Variants in GCN1 observed in about 807,000 individuals in gnomAD.
GCN1 encodes GCN1 activator of EIF2AK4.
GCN1 carries 90 observed loss-of-function variants against 288.4 expected under a neutral mutation model. The observed-to-expected ratio is 0.31, with a 90% CI of 0.26 to 0.37. GCN1 has a LOEUF of 0.37. Ranked by LOEUF, GCN1 falls within the 10% of genes least tolerant of loss-of-function variation. GCN1 has a pLI of 1.00. For synonymous variants in GCN1, 1,386 were observed against 1,420.2 expected, an observed-to-expected ratio of 0.98 and a Z score of 0.54; for missense variants, 2,586 against 3,419.9, an observed-to-expected ratio of 0.76 and a Z score of 6.08.
intron 2 of GCN1, among the ~76,000 whole-genome samples, chr12:120,188,335 G>A (rs1414227477): frequency 6.6e-6 from 1 of 151,744 alleles, no homozygotes; most frequent in Non-Finnish European, 1.5e-5. Context: ...TTGGGAGGCT[G>A]AGGCAGGAGA....
Position 120,131,352 on chromosome 12 carries a change from C to T in GCN1, c.7415-19G>A, listed in dbSNP as rs760897417. ...ACGTCCGCTGGGTGGAAGGACACGA[C>T]TGGGATCAACCGGTATTTTACAGCA... On this transcript the variant is annotated intron_variant, in intron 54 of 57. Coordinates refer to ENST00000300648, the MANE Select transcript of GCN1 (RefSeq NM_006836.2). 11 of 1,612,470 alleles carry T rather than the reference C, an allele frequency of 6.8e-6. No homozygotes were observed. The highest frequency in any genetic ancestry group is 8.5e-7 in the Non-Finnish European group (1 of 1,179,584).
At chr12:120,174,026 A>C in intron 13 of GCN1, 45 bp downstream of exon 13, 4 of 1,239,382 alleles carry the variant, frequency 3.2e-6, no homozygotes, top group Non-Finnish European at 4.8e-6. Flanking sequence ...AACCACGGTC[A>C]AGGATGAGTA....
rs1175665452 is a variant in GCN1, at chr12:120,163,341, G to A, written c.1849-82C>T. 2.6e-6 allele frequency: 3 copies of A among 1,132,886 alleles called. No individual in the cohort carries two copies. The Admixed American group carries it at 5.6e-5, about 21-fold the overall frequency. 70.2% of individuals were successfully genotyped at this position (1,132,886 alleles called of 1,614,324 possible). ...AGGAACCAAATATGCTACGGACACAGCGGCCCCTCACTCAGTTCTTCCCTG... is the reference window on the plus strand; with the variant it reads ...AGGAACCAAATATGCTACGGACACAACGGCCCCTCACTCAGTTCTTCCCTG... On this transcript the variant is annotated intron_variant, in intron 18 of 57. Coordinates refer to ENST00000300648, the MANE Select transcript of GCN1 (RefSeq NM_006836.2).
Position 120,153,659 on chromosome 12 carries a change from C to A in GCN1, c.3867+85G>T. On this transcript the variant is annotated intron_variant, in intron 32 of 57. Coordinates refer to ENST00000300648, the MANE Select transcript of GCN1 (RefSeq NM_006836.2). The surrounding 1 kb of genome is among the most constrained non-coding windows in gnomAD (Gnocchi z 4.4). Reference sequence around the variant, plus strand: ...CTCAGCATTTCTGGCCCCTGCTCAGCCCTAGCGCCTGCCTCCCGTGTCTCC... The same window carrying A: ...CTCAGCATTTCTGGCCCCTGCTCAGACCTAGCGCCTGCCTCCCGTGTCTCC... 7.5e-7 allele frequency: 1 copy of A among 1,341,770 alleles called. No homozygotes were observed. Among genetic ancestry groups the A allele is most frequent in the South Asian group, 1.3e-5 (1 of 77,206 alleles). The allele number at this position is 1,341,770 out of a possible 1,614,324, so 83.1% of individuals were successfully genotyped here.
At chr12:120,180,585 C>G (rs1195666308) in intron 5 of GCN1, among the ~76,000 whole-genome samples, 1 of 151,568 alleles carries the variant, frequency 6.6e-6, no homozygotes, top group African/African-American at 2.4e-5. Flanking sequence ...AGCCTGGTGA[C>G]AGAGAAAGAC....
chr12:120,189,303 C>A (rs1878926810), intron 2 of GCN1, among the ~76,000 whole-genome samples: 1 of 151,646 alleles, frequency 6.6e-6, no homozygotes, highest in Non-Finnish European at 1.5e-5. Flanking sequence ...GAACTCCTGA[C>A]CTCGTGATCC....
At chr12:120,146,802 C>T (rs1877377595) in intron 38 of GCN1, among the ~76,000 whole-genome samples, 1 of 152,206 alleles carries the variant, frequency 6.6e-6, no homozygotes, top group South Asian at 2.1e-4. Context: ...CACTTCAACA[C>T]TCTTGAGAGG....
intron 34 of GCN1, among the ~76,000 whole-genome samples, chr12:120,150,753 C>G (rs112385688): frequency 3.6e-4 from 54 of 151,566 alleles, no homozygotes; most frequent in Middle Eastern, 3.4e-3. Flanking sequence ...CTGGCTAACA[C>G]GGTGAAACCC....
At chr12:120,166,230 C>T (rs1052517317) in intron 16 of GCN1, among the ~76,000 whole-genome samples, 11 of 151,276 alleles carry the variant, frequency 7.3e-5, no homozygotes, top group Admixed American at 2.0e-4. Context: ...TAGTAAAACC[C>T]CGTCTGTACT....
intron 5 of GCN1, among the ~76,000 whole-genome samples, chr12:120,180,612 A>C (rs1444313710): frequency 6.6e-6 from 1 of 152,020 alleles, no homozygotes; most frequent in Non-Finnish European, 1.5e-5. Context: ...TCAAAAAAAA[A>C]CAAACAAAAA....
intron 2 of GCN1, among the ~76,000 whole-genome samples, chr12:120,188,111 G>A (rs911861252): frequency 6.6e-6 from 1 of 152,220 alleles, no homozygotes; most frequent in Non-Finnish European, 1.5e-5. Context: ...AAAACACCTT[G>A]TTGCGAATAT....
At chr12:120,143,063 G>T (rs956662914) in intron 42 of GCN1, 122 bp from the exon 43 acceptor site, 1 of 611,626 alleles carries the variant, frequency 1.6e-6, no homozygotes, top group Non-Finnish European at 3.0e-6. Context: ...TCTTGGAATG[G>T]GAAGAGTCAG....
Position 120,141,162 on chromosome 12 carries a change from C to T in GCN1, c.5830-139G>A, listed in dbSNP as rs1320535070. The stretch of plus-strand genomic sequence containing the variant: ...TTAACTTCCCCAAATGCTCTTACCC[C>T]TAAAGAGCCCCCAAATACTCTCTGT... On this transcript the variant is annotated intron_variant, in intron 44 of 57. Transcript: ENST00000300648. 2.7e-5 allele frequency: 19 copies of T among 704,820 alleles called. No individual in the cohort carries two copies. The East Asian group carries it at 4.8e-4, about 18-fold the overall frequency. 43.7% of individuals were successfully genotyped at this position (704,820 alleles called of 1,614,324 possible). A position where few individuals can be genotyped will look rare whatever the true frequency, so the allele number is the denominator to read the frequency against.
intron 33 of GCN1, 76 bp from the exon 34 acceptor site, chr12:120,151,467 T>C (rs938005691): frequency 1.4e-6 from 2 of 1,463,470 alleles, no homozygotes; most frequent in Admixed American, 3.6e-5. Context: ...CTGACCATTC[T>C]ACACAGCACC....
chr12:120,164,701 G>C lies in GCN1; in HGVS notation c.1633C>G (p.Leu545Val). 6.2e-7 allele frequency: 1 copy of C among 1,612,870 alleles called. No individual in the cohort carries two copies. Among genetic ancestry groups the C allele is most frequent in the Non-Finnish European group, 8.5e-7 (1 of 1,178,838 alleles). ...SEDALCTVLH[L>V]TERLFLDHPH... is the part of the protein sequence containing the mutation. ...TGGTCAAGGAAAAGTCTCTCTGTCAGATGCAACACAGTACACAGGGCTTGG... is the reference window on the plus strand; with the variant it reads ...TGGTCAAGGAAAAGTCTCTCTGTCACATGCAACACAGTACACAGGGCTTGG... The change falls in exon 17 of 58, where the codon CTG becomes GTG. Residue 545 changes from leucine (L) to valine (V), a missense_variant. This residue lies in a region of GCN1 where 913 missense variants were observed against 1,107.0 expected (regional missense o/e 0.82). Transcript: ENST00000300648.
At chr12:120,136,356 C>G (rs1204997114) in intron 51 of GCN1, 146 bp downstream of exon 51, 1 of 637,690 alleles carries the variant, frequency 1.6e-6, no homozygotes, top group Non-Finnish European at 2.8e-6. Flanking sequence ...CATGGTGTAG[C>G]ATGTCTGAAG....
chr12:120,154,845 C>T (rs1594271585), intron 31 of GCN1, 125 bp downstream of exon 31: 1 of 1,239,762 alleles, frequency 8.1e-7, no homozygotes, highest in East Asian at 2.3e-5. Context: ...GAACTCAGGC[C>T]TCCCCGACTC....
intron 5 of GCN1, 125 bp downstream of exon 5, chr12:120,183,444 G>A (rs1305802236): frequency 2.4e-5 from 17 of 700,306 alleles, no homozygotes; most frequent in Non-Finnish European, 3.7e-5. Flanking sequence ...CACACCTCGG[G>A]ACAACTCAGA....
chr12:120,147,399 A>T, intron 37 of GCN1, 127 bp from the exon 38 acceptor site: 1 of 461,052 alleles, frequency 2.2e-6, no homozygotes, highest in Non-Finnish European at 3.8e-6. Flanking sequence ...GAAACCCCAC[A>T]AGTCACCAGC....
Sources: gnomAD v4.1 joint callset for allele counts (sites outside exome capture counted in the v4.1 genomes callset) on GRCh38, gnomAD v4.1.1 for gene constraint, gnomAD v4.1.1 regional missense constraint, Gnocchi (gnomAD v3.1) non-coding constraint, MANE v1.5 for transcripts, NCBI Gene and HGNC (gene_info 2026-07-23, HGNC 2026-07-21) for gene names.